The following TRPM1 variants were observed in gnomAD, a reference collection of about 807,000 sequenced individuals.
TRPM1 encodes transient receptor potential cation channel subfamily M member 1.
TRPM1 carries 113 observed loss-of-function variants against 149.4 expected under a neutral mutation model. The ratio of observed to expected loss-of-function variants is 0.76; its 90% CI spans 0.65 to 0.88. The LOEUF (loss-of-function observed/expected upper bound fraction) is 0.88, where lower values mean the gene tolerates loss of function less well. Ranked by LOEUF, TRPM1 falls within the 40% of genes least tolerant of loss-of-function variation. TRPM1 has a pLI of 0.00. For synonymous variants in TRPM1, 741 were observed against 759.5 expected, an observed-to-expected ratio of 0.98 and a Z score of 0.40; for missense variants, 1,976 against 2,038.7, an observed-to-expected ratio of 0.97 and a Z score of 0.59.
intron 2 of TRPM1, among the ~76,000 whole-genome samples, chr15:31,080,824 G>T (rs536753445): frequency 2.0e-5 from 3 of 151,610 alleles, no homozygotes; most frequent in African/African-American, 7.3e-5. Context: ...GCGCTGGGGC[G>T]CTGTCCAGGA....
intron 1 of TRPM1, among the ~76,000 whole-genome samples, chr15:31,147,795 C>G (rs1194458101): frequency 6.6e-6 from 1 of 152,164 alleles, no homozygotes; most frequent in Non-Finnish European, 1.5e-5. Flanking sequence ...AAACCTATAA[C>G]TTTTCTTAGT....
chr15:31,001,704 G>T lies in TRPM1; in HGVS notation c.*118C>A. 1 of 1,215,022 alleles carries T rather than the reference G, an allele frequency of 8.2e-7. No homozygotes were observed. The highest frequency in any genetic ancestry group is 2.0e-4 in the Middle Eastern group (1 of 4,914). 75.3% of individuals were successfully genotyped at this position (1,215,022 alleles called of 1,614,324 possible). On this transcript the variant is annotated 3_prime_UTR_variant, in exon 28 of 28. Coordinates refer to ENST00000256552, the MANE Select transcript of TRPM1 (RefSeq NM_001252024.2). ...GTGCATTAAATTGTAAATCAAGTCT[G>T]AATTTCCAAAATTTTTTAAGGAAAA...
intron 1 of TRPM1, 55 bp downstream of exon 1, chr15:31,101,602 G>A (rs1178930411): frequency 1.0e-6 from 1 of 965,652 alleles, no homozygotes; most frequent in Non-Finnish European, 1.2e-6. Flanking sequence ...ACCCACACCT[G>A]AGGATACCTG....
At chr15:31,071,593 C>G (rs1040073621) in intron 3 of TRPM1, among the ~76,000 whole-genome samples, 1 of 151,790 alleles carries the variant, frequency 6.6e-6, no homozygotes. Context: ...CCCTCCCTCA[C>G]TCCCTCCCTC....
rs1469617945 is a variant in TRPM1 at position 31,026,181 on chromosome 15, T to G, written c.3587A>C (p.Gln1196Pro). The G allele has an allele frequency of 6.2e-7, 1 of 1,612,376 alleles. No individual in the cohort carries two copies. Among genetic ancestry groups the G allele is most frequent in the African/African-American group, 1.3e-5 (1 of 74,956 alleles). The change falls in exon 27 of 28, where the codon CAG becomes CCG. Residue 1196 changes from glutamine (Q) to proline (P), a missense_variant. By Grantham distance (76) the Gln-to-Pro change is moderately conservative (BLOSUM62 -1). This residue lies in a region of TRPM1 where 572 missense variants were observed against 578.9 expected (regional missense o/e 0.99). Coordinates refer to ENST00000256552, the MANE Select transcript of TRPM1 (RefSeq NM_001252024.2). The stretch of plus-strand genomic sequence containing the variant: ...GATGCGCTCGTCGCTGGACGACTGC[T>G]GCTCATCCTCCTTCTCCCGGAAGTG... ...QEHFREKEDE[Q>P]QSSSDERIRV...
At position 31,042,168 on chromosome 15, in the gene TRPM1, C is replaced by T. The variant is rs1333692134; in HGVS notation, c.1870G>A (p.Asp624Asn). The T allele has an allele frequency of 6.8e-6, 11 of 1,614,010 alleles. No individual in the cohort carries two copies. In the African/African-American group the frequency reaches 9.3e-5, roughly 14 times the overall value. ...TACTGGAACCGACTCACGGCAGGGT[C>T]GTCCACATCAATGTCGATCTCTTCC... ...KEEEIDIDVD[D>N]PAVSRFQYPF... Residue 624 changes from aspartate to asparagine, a missense_variant, in exon 17 of 28, where the codon GAC (aspartate) becomes AAC (asparagine). Physicochemically the swap from Asp to Asn is conservative, Grantham distance 23 (BLOSUM62 1). Coordinates refer to ENST00000256552, the MANE Select transcript of TRPM1 (RefSeq NM_001252024.2).
intron 1 of TRPM1, among the ~76,000 whole-genome samples, chr15:31,155,307 A>T (rs1186150222): frequency 6.6e-6 from 1 of 152,204 alleles, no homozygotes; most frequent in Non-Finnish European, 1.5e-5. Context: ...TGCTCTGAAG[A>T]GTGGGAGACT....
At chr15:31,047,066 T>C (rs2033786373) in intron 15 of TRPM1, 45 bp downstream of exon 15, 1 of 1,613,404 alleles carries the variant, frequency 6.2e-7, no homozygotes, top group Non-Finnish European at 8.5e-7. Flanking sequence ...AGGAACCACA[T>C]GGTACTCGCG....
chr15:31,054,879 C>T (rs1292521000), intron 11 of TRPM1, among the ~76,000 whole-genome samples: 1 of 152,146 alleles, frequency 6.6e-6, no homozygotes, highest in African/African-American at 2.4e-5. Flanking sequence ...AATAGGTCTC[C>T]AGAATTTATT....
chr15:31,027,270 G>T (rs1255303992), intron 25 of TRPM1, among the ~76,000 whole-genome samples, 153 bp from the exon 26 acceptor site: 1 of 152,020 alleles, frequency 6.6e-6, no homozygotes, highest in African/African-American at 2.4e-5. Flanking sequence ...CAATCTTTTG[G>T]TTTATCCATC....
rs1240049447 is a variant in TRPM1, at chr15:31,069,893, T to C, written c.279+138A>G. The C allele has an allele frequency of 3.7e-6, 6 of 1,602,386 alleles. No individual in the cohort carries two copies. In the South Asian group the frequency reaches 4.4e-5, roughly 12 times the overall value. On this transcript the variant is annotated intron_variant, in intron 4 of 27. Coordinates refer to ENST00000256552, the MANE Select transcript of TRPM1 (RefSeq NM_001252024.2). ...AAAGCCATGTGCACAGATATATCTC[T>C]TGGTTTTTCAATGAAATATCTAGGA...
intron 21 of TRPM1, among the ~76,000 whole-genome samples, chr15:31,033,265 C>A (rs535090396): frequency 6.6e-6 from 1 of 152,302 alleles, no homozygotes; most frequent in Non-Finnish European, 1.5e-5. Flanking sequence ...ATTCCAGAGT[C>A]ACACAGGATG....
chr15:31,010,056 G>A (rs1234036018), intron 27 of TRPM1, among the ~76,000 whole-genome samples: 1 of 152,050 alleles, frequency 6.6e-6, no homozygotes, highest in Non-Finnish European at 1.5e-5. Context: ...TTTTCCCCAG[G>A]TGAGTTGAGA....
chr15:31,088,599 C>T (rs1312120600), intron 1 of TRPM1, among the ~76,000 whole-genome samples: 1 of 152,196 alleles, frequency 6.6e-6, no homozygotes, highest in East Asian at 1.9e-4. Context: ...AAGAACCCAC[C>T]GGAAGGAAGA....
At chr15:31,052,512 C>T (rs4779501) in intron 11 of TRPM1, among the ~76,000 whole-genome samples, 104,364 of 151,872 alleles carry the variant, frequency 0.69, 36,235 homozygotes, top group East Asian at 0.95. Flanking sequence ...CGGTAGTTCA[C>T]GTCTGTAATC....
rs1320606193 is a variant in TRPM1 at position 31,050,672 on chromosome 15, T to C, written c.1264-90A>G. 9 of 1,306,620 alleles carry C rather than the reference T, an allele frequency of 6.9e-6. No individual in the cohort carries two copies. In the Admixed American group the frequency reaches 1.5e-4, roughly 22 times the overall value. The allele number at this position is 1,306,620 out of a possible 1,614,324, so 80.9% of individuals were successfully genotyped here. ...TCATTGACCCTCCCACCTCTGTATGTGCACACATGCACACCACACATGCAC... is the reference window on the plus strand; with the variant it reads ...TCATTGACCCTCCCACCTCTGTATGCGCACACATGCACACCACACATGCAC... On this transcript the variant is annotated intron_variant, in intron 11 of 27. Transcript: ENST00000256552.
chr15:31,112,147 G>A (rs1342418984), intron 1 of TRPM1, among the ~76,000 whole-genome samples: 1 of 152,170 alleles, frequency 6.6e-6, no homozygotes, highest in Non-Finnish European at 1.5e-5. Flanking sequence ...AAGGGATGTG[G>A]CATTCTACTT....
intron 16 of TRPM1, among the ~76,000 whole-genome samples, chr15:31,045,831 A>C (rs1183609520): frequency 6.6e-6 from 1 of 152,232 alleles, no homozygotes; most frequent in Non-Finnish European, 1.5e-5. Context: ...AAAGACTAAC[A>C]CTGCATTGTA....
At chr15:31,062,863 C>T in intron 8 of TRPM1, 161 bp from the exon 9 acceptor site, 1 of 1,007,030 alleles carries the variant, frequency 9.9e-7, no homozygotes, top group South Asian at 1.4e-5. Context: ...TCTCACTTGT[C>T]CTAAATTCCA....
Sources: allele counts gnomAD v4.1 joint callset (sites outside exome capture counted in the v4.1 genomes callset), GRCh38; gene constraint gnomAD v4.1.1; regional missense constraint gnomAD v4.1.1; transcripts MANE v1.5; gene names NCBI Gene and HGNC (gene_info 2026-07-23, HGNC 2026-07-21).